The following KDM4C variants were observed in gnomAD, a reference collection of about 807,000 sequenced individuals.
KDM4C encodes lysine demethylase 4C.
In KDM4C, 81 loss-of-function variants were observed where a neutral mutation model predicts 129.3. The ratio of observed to expected loss-of-function variants is 0.63; its 90% confidence interval spans 0.52 to 0.75. KDM4C has a LOEUF of 0.75. Among genes scored for constraint, KDM4C ranks in the 30% least tolerant of loss-of-function variants. KDM4C has a pLI of 0.00. For synonymous variants in KDM4C, 573 were observed against 456.1 expected (o/e 1.26, Z -3.26); for missense variants, 1,457 against 1,304.0 (o/e 1.12, Z -1.81).
intron 21 of KDM4C, among the ~76,000 whole-genome samples, chr9:7,172,496 C>T (rs1462103249): frequency 1.3e-5 from 2 of 152,178 alleles, no homozygotes; most frequent in Admixed American, 6.5e-5. Context: ...TTAGCACTTA[C>T]ACAAGTGAAA....
chr9:7,097,032 C>T (rs1226792667), intron 17 of KDM4C, among the ~76,000 whole-genome samples: 1 of 152,158 alleles, frequency 6.6e-6, no homozygotes, highest in Non-Finnish European at 1.5e-5. Context: ...GTTTTTTCAC[C>T]TCTGAGCTTT....
chr9:6,838,209 C>T (rs1442549205), intron 4 of KDM4C, among the ~76,000 whole-genome samples: 2 of 152,094 alleles, frequency 1.3e-5, no homozygotes, highest in African/African-American at 4.8e-5. Flanking sequence ...TTTCTTTAAA[C>T]ATTTCTTATT....
chr9:6,979,325 A>T (rs773616211), intron 8 of KDM4C, among the ~76,000 whole-genome samples: 28 of 152,324 alleles, frequency 1.8e-4, no homozygotes, highest in Non-Finnish European at 3.7e-4. Context: ...TTAGGTTCAG[A>T]GGAACAGTTG....
At chr9:6,739,732 C>G (rs1031150681) in intron 1 of KDM4C, among the ~76,000 whole-genome samples, 1 of 150,756 alleles carries the variant, frequency 6.6e-6, no homozygotes, top group African/African-American at 2.4e-5. Context: ...GAATGTGGCT[C>G]ACAATTGTAA....
At position 7,026,386 on chromosome 9, in the gene KDM4C, C is replaced by G. The variant is rs558907600; in HGVS notation, c.2259+10457C>G. Among the ~76,000 whole-genome samples, 8 of 151,870 alleles carry G rather than the reference C, an allele frequency of 5.3e-5. No homozygotes were observed. In the South Asian group the frequency reaches 1.7e-3, roughly 32 times the overall value. Reference sequence around the variant, plus strand: ...GTAAATGTTTTTTTTTCTTTCAGCACTTTAAATATGTCATGACACTCTCTC... The same window carrying G: ...GTAAATGTTTTTTTTTCTTTCAGCAGTTTAAATATGTCATGACACTCTCTC... On this transcript the variant is annotated intron_variant, in intron 15 of 21. Transcript: ENST00000381309.
intron 15 of KDM4C, among the ~76,000 whole-genome samples, chr9:7,042,283 T>G (rs818873): frequency 2.0e-5 from 3 of 152,028 alleles, no homozygotes; most frequent in African/African-American, 4.8e-5. Context: ...ATATTAAACA[T>G]TGTGATATGT....
At chr9:6,936,970 C>T (rs1262629084) in intron 8 of KDM4C, among the ~76,000 whole-genome samples, 1 of 152,174 alleles carries the variant, frequency 6.6e-6, no homozygotes, top group Non-Finnish European at 1.5e-5. Context: ...GTTTTAGTTA[C>T]AGATTCTAGA....
chr9:7,117,142 C>T (rs1281482933), intron 18 of KDM4C, among the ~76,000 whole-genome samples: 1 of 152,066 alleles, frequency 6.6e-6, no homozygotes, highest in East Asian at 1.9e-4. Flanking sequence ...AGAATCAGAG[C>T]ACATGGCATT....
intron 5 of KDM4C, among the ~76,000 whole-genome samples, chr9:6,865,281 T>A (rs140265056): frequency 1.3e-5 from 2 of 152,210 alleles, no homozygotes; most frequent in Non-Finnish European, 2.9e-5. Flanking sequence ...GTTTTGGGAT[T>A]ACAAGCGTGA....
At chr9:6,796,272 C>T (rs1035591555) in intron 2 of KDM4C, among the ~76,000 whole-genome samples, 8 of 152,108 alleles carry the variant, frequency 5.3e-5, no homozygotes, top group East Asian at 1.9e-4. Flanking sequence ...TGGTGAAACC[C>T]CATCTCTACC....
In KDM4C at chr9:6,863,562, G is replaced by A. The variant is rs936771198; in HGVS notation, c.629+13862G>A. 5.3e-5 allele frequency among the ~76,000 whole-genome samples: 8 copies of A among 151,906 alleles called. No homozygotes were observed. The East Asian group carries it at 5.8e-4, about 11-fold the overall frequency. On this transcript the variant is annotated intron_variant, in intron 5 of 21. Coordinates refer to ENST00000381309, the MANE Select transcript of KDM4C (RefSeq NM_015061.6). ...CTGTAATCCCAGCACTTTGGGAGGC[G>A]GAGGTGGGCGGATCACGAGGTCAGG...
intron 12 of KDM4C, among the ~76,000 whole-genome samples, chr9:6,993,709 A>T (rs543776274): frequency 2.0e-4 from 30 of 152,246 alleles, no homozygotes; most frequent in African/African-American, 7.0e-4. Context: ...AACGTACTAG[A>T]TGTGATGAAC....
intron 17 of KDM4C, among the ~76,000 whole-genome samples, chr9:7,077,993 T>G (rs537540626): frequency 6.6e-6 from 1 of 152,310 alleles, no homozygotes; most frequent in African/African-American, 2.4e-5. Context: ...GGAAAGTTGA[T>G]CAACATGTCT....
intron 19 of KDM4C, among the ~76,000 whole-genome samples, chr9:7,150,992 C>T (rs1018311401): frequency 6.6e-6 from 1 of 152,096 alleles, no homozygotes; most frequent in African/African-American, 2.4e-5. Context: ...ACTTTGGGCT[C>T]ATCATTGGAG....
chr9:7,007,117 A>G (rs1244378468), intron 12 of KDM4C, among the ~76,000 whole-genome samples: 1 of 152,220 alleles, frequency 6.6e-6, no homozygotes, highest in Non-Finnish European at 1.5e-5. Context: ...GCCCTCTTAC[A>G]TAGGATGGCC....
intron 17 of KDM4C, among the ~76,000 whole-genome samples, chr9:7,068,548 G>A (rs545443267): frequency 2.0e-5 from 3 of 152,214 alleles, no homozygotes; most frequent in Admixed American, 6.5e-5. Context: ...ATTTCAGAAC[G>A]TGCCAGCTGC....
chr9:6,794,405 G>C (rs911724939), intron 2 of KDM4C, among the ~76,000 whole-genome samples: 7 of 152,226 alleles, frequency 4.6e-5, no homozygotes, highest in African/African-American at 1.7e-4. Flanking sequence ...GGTGGTCAGT[G>C]GACTTGTCTG....
rs976843723 is a variant in KDM4C, at chr9:6,924,467, C to G, written c.921+31235C>G. Among the ~76,000 whole-genome samples the G allele has an allele frequency of 5.9e-5, 9 of 152,310 alleles. No individual in the cohort carries two copies. In the East Asian group the frequency reaches 1.7e-3, roughly 29 times the overall value. ...GGCTGCAGCGCTCTGTTGGACTTGC[C>G]TCACACCATCCTCTGTTGCTCTGTC... On this transcript the variant is annotated intron_variant, in intron 8 of 21. Coordinates refer to ENST00000381309, the MANE Select transcript of KDM4C (RefSeq NM_015061.6).
intron 8 of KDM4C, among the ~76,000 whole-genome samples, chr9:6,964,028 G>A: frequency 6.9e-6 from 1 of 144,402 alleles, no homozygotes; most frequent in East Asian, 2.0e-4. Flanking sequence ...TAACTCTGAT[G>A]TTAATATTTT....
Sources: allele counts gnomAD v4.1 joint callset (sites outside exome capture counted in the v4.1 genomes callset), GRCh38; gene constraint gnomAD v4.1.1; transcripts MANE v1.5; gene names NCBI Gene and HGNC (gene_info 2026-07-23, HGNC 2026-07-21).